The following NOTO variants were observed in gnomAD, a reference collection of about 807,000 sequenced individuals.
NOTO encodes the protein homeobox protein notochord.
A neutral mutation model predicts 20.5 loss-of-function variants in NOTO; 19 were observed. The ratio of observed to expected loss-of-function variants is 0.93; its 90% CI spans 0.65 to 1.36. The LOEUF (loss-of-function observed/expected upper bound fraction) is 1.36, where lower values mean the gene tolerates loss of function less well. Ranked by LOEUF, NOTO falls within the 40% of genes most tolerant of loss-of-function variation. NOTO has a pLI of 0.00. For missense variants in NOTO, 369 were observed against 336.2 expected (o/e 1.10, Z -0.76); for synonymous variants, 150 against 150.2 (o/e 1.00, Z 0.01).
rs1230929097 is a variant in NOTO at position 73,211,333 on chromosome 2, C to A, written c.*404C>A. 1 of 156,580 alleles carries A rather than the reference C, an allele frequency of 6.4e-6. No individual in the cohort carries two copies. Among genetic ancestry groups the A allele is most frequent in the African/African-American group, 2.4e-5 (1 of 41,366 alleles). 9.7% of individuals were successfully genotyped at this position (156,580 alleles called of 1,614,324 possible). On this transcript the variant is annotated 3_prime_UTR_variant, in exon 3 of 3. Coordinates refer to ENST00000398468, the MANE Select transcript of NOTO (RefSeq NM_001134462.2). ...CAACTGGAAAAAAAAAAGTTTTTTT[C>A]TTCTGCTGTCACCCCACAACAATCA...
intron 2 of NOTO, among the ~76,000 whole-genome samples, chr2:73,209,264 C>T (rs567536320): frequency 6.6e-6 from 1 of 151,460 alleles, no homozygotes; most frequent in African/African-American, 2.4e-5. Flanking sequence ...CCCTATATTC[C>T]TCTCTAGCTA....
chr2:73,206,739 A>G (rs1686093223), intron 1 of NOTO, among the ~76,000 whole-genome samples: 2 of 150,090 alleles, frequency 1.3e-5, no homozygotes, highest in South Asian at 4.2e-4. Flanking sequence ...GTCTTGCCCA[A>G]GGTCCTCTGG....
chr2:73,211,708 C>T lies in NOTO; in HGVS notation c.*779C>T, dbSNP rs889734730. ...GGTCTTGAACTGCTGACCTTGTGATCCACCCACCTCGGCCTCCCAAAGTGC... is the reference window on the plus strand; with the variant it reads ...GGTCTTGAACTGCTGACCTTGTGATTCACCCACCTCGGCCTCCCAAAGTGC... On this transcript the variant is annotated 3_prime_UTR_variant, in exon 3 of 3. Coordinates refer to ENST00000398468, the MANE Select transcript of NOTO (RefSeq NM_001134462.2). 1.3e-5 allele frequency: 2 copies of T among 152,148 alleles called. No homozygotes were observed. Among genetic ancestry groups the T allele is most frequent in the African/African-American group, 4.8e-5 (2 of 41,406 alleles). 9.4% of individuals were successfully genotyped at this position (152,148 alleles called of 1,614,324 possible).
chr2:73,205,481 G>A (rs922628038), intron 1 of NOTO, among the ~76,000 whole-genome samples: 2 of 152,122 alleles, frequency 1.3e-5, no homozygotes, highest in Non-Finnish European at 2.9e-5. Context: ...CTGGGCAACA[G>A]AACAAGACAC....
intron 1 of NOTO, among the ~76,000 whole-genome samples, chr2:73,204,874 TTTTTATTTTTTTA>T (rs1325171054): frequency 7.7e-5 from 5 of 65,294 alleles, no homozygotes; most frequent in South Asian, 4.7e-4. Flanking sequence ...CGGCTAATTT[TTTTTATTTTTTTA>T]TTTTTTTTTT....
At position 73,208,439 on chromosome 2, in the gene NOTO, C is replaced by T; in HGVS notation, c.422C>T (p.Pro141Leu). 3.9e-6 allele frequency: 6 copies of T among 1,551,682 alleles called. No individual in the cohort carries two copies. The highest frequency in any genetic ancestry group is 4.4e-6 in the Non-Finnish European group (5 of 1,146,984). ...CACTGCTCAGGACTCTGGGCCTTCC[C>T]AGACTGGGCCCCAACGGAGGACCTA... is the stretch of plus-strand genomic sequence containing the variant. ...LAHCSGLWAF[P>L]DWAPTEDLQD... The change falls in exon 2 of 3, where the codon CCA becomes CTA. Residue 141 changes from proline to leucine, a missense_variant. Physicochemically the swap from Pro to Leu is moderately conservative, Grantham distance 98. Coordinates refer to ENST00000398468, the MANE Select transcript of NOTO (RefSeq NM_001134462.2).
intron 1 of NOTO, among the ~76,000 whole-genome samples, chr2:73,204,334 TA>T (rs1272082314): frequency 1.3e-5 from 2 of 152,190 alleles, no homozygotes; most frequent in Non-Finnish European, 2.9e-5. Context: ...CTTCTAGCAT[TA>T]AACATCCACC....
intron 1 of NOTO, among the ~76,000 whole-genome samples, chr2:73,204,957 T>G (rs1287813785): frequency 6.8e-6 from 1 of 147,514 alleles, no homozygotes; most frequent in Non-Finnish European, 1.5e-5. Context: ...CTCGGCTCAC[T>G]GCAAGCTCCG....
At chr2:73,204,593 C>T (rs913936239) in intron 1 of NOTO, among the ~76,000 whole-genome samples, 2 of 152,308 alleles carry the variant, frequency 1.3e-5, no homozygotes, top group Non-Finnish European at 2.9e-5. Context: ...GGAGCTGTGC[C>T]CATCACTCCC....
Position 73,208,560 on chromosome 2 carries a change from G to A in NOTO, c.543G>A (p.Leu181=). Residue 181 remains leucine, a synonymous_variant, in exon 2 of 3, where the codon CTG becomes CTA. Transcript: ENST00000398468. ...AAGTGTTTGCAAAACAGCACAATCT[G>A]GTGGGGAAGAAGAGAGCCCAGCTGG... ...LEKVFAKQHN[L]VGKKRAQLAA... 1 of 1,551,602 alleles carries A rather than the reference G, an allele frequency of 6.4e-7. No individual in the cohort carries two copies. The highest frequency in any genetic ancestry group is 2.4e-5 in the East Asian group (1 of 40,918).
intron 1 of NOTO, among the ~76,000 whole-genome samples, chr2:73,205,638 C>T (rs1228987625): frequency 1.3e-5 from 2 of 151,806 alleles, no homozygotes; most frequent in African/African-American, 4.8e-5. Flanking sequence ...TGTGTTTTTA[C>T]AAATCCTTTT....
At position 73,210,955 on chromosome 2, in the gene NOTO, G is replaced by A. The variant is rs1471878880; in HGVS notation, c.*26G>A. 1.9e-6 allele frequency: 3 copies of A among 1,538,840 alleles called. No homozygotes were observed. In the South Asian group the frequency reaches 3.6e-5, roughly 19 times the overall value. On this transcript the variant is annotated 3_prime_UTR_variant, in exon 3 of 3. Coordinates refer to ENST00000398468, the MANE Select transcript of NOTO (RefSeq NM_001134462.2). ...AGACTGGGACAGAGGCCCTAGCCAGGCTGCCTGGACTAGTTCCTCCTGGGG... is the reference window on the plus strand; with the variant it reads ...AGACTGGGACAGAGGCCCTAGCCAGACTGCCTGGACTAGTTCCTCCTGGGG...
chr2:73,203,314 G>A (rs1054603170), intron 1 of NOTO, among the ~76,000 whole-genome samples: 1 of 152,210 alleles, frequency 6.6e-6, no homozygotes, highest in East Asian at 1.9e-4. Flanking sequence ...GCGCCTGAAT[G>A]CGGTGGGCAG....
chr2:73,208,692 T>G (rs1686125820), intron 2 of NOTO, 78 bp downstream of exon 2: 1 of 957,974 alleles, frequency 1.0e-6, no homozygotes, highest in East Asian at 2.6e-5. Flanking sequence ...AAAAGGAGGG[T>G]GGGAGGAAGA....
intron 2 of NOTO, among the ~76,000 whole-genome samples, chr2:73,209,846 C>T (rs77758656): frequency 0.036 from 5,419 of 152,208 alleles, 145 homozygotes; most frequent in Non-Finnish European, 0.056. Flanking sequence ...ATGTTCCTTT[C>T]CCATATATGA....
intron 2 of NOTO, among the ~76,000 whole-genome samples, chr2:73,210,140 C>A (rs1012210637): frequency 2.0e-5 from 3 of 152,348 alleles, no homozygotes; most frequent in African/African-American, 7.2e-5. Context: ...GTAAAAGCCT[C>A]ATGGGTGACA....
chr2:73,210,884 C>G lies in NOTO; in HGVS notation c.711C>G (p.Ile237Met). 1.9e-6 allele frequency: 3 copies of G among 1,551,648 alleles called. No homozygotes were observed. Among genetic ancestry groups the G allele is most frequent in the Admixed American group, 2.0e-5 (1 of 51,002 alleles). ...ASLDEPSSSS[I>M]ASIQSDDAES... The stretch of plus-strand genomic sequence containing the variant: ...TGGATGAGCCTTCCAGCAGCTCCAT[C>G]GCCAGTATCCAGAGTGATGATGCCG... The change falls in exon 3 of 3, where the codon ATC becomes ATG. Residue 237 changes from isoleucine to methionine, a missense_variant. Ile to Met is a conservative substitution (Grantham distance 10). Coordinates refer to ENST00000398468, the MANE Select transcript of NOTO (RefSeq NM_001134462.2).
chr2:73,208,884 C>G (rs2103695559), intron 2 of NOTO, among the ~76,000 whole-genome samples: 1 of 152,138 alleles, frequency 6.6e-6, no homozygotes, highest in South Asian at 2.1e-4. Context: ...TAAGGACCTG[C>G]CAGTAAAATT....
intron 2 of NOTO, among the ~76,000 whole-genome samples, chr2:73,209,098 C>T (rs1686130512): frequency 6.7e-6 from 1 of 149,480 alleles, no homozygotes; most frequent in Admixed American, 6.7e-5. Flanking sequence ...TCGCTTGAGC[C>T]TGGGAGGCAG....
Sources: allele counts gnomAD v4.1 joint callset (sites outside exome capture counted in the v4.1 genomes callset), GRCh38; gene constraint gnomAD v4.1.1; transcripts MANE v1.5; gene names NCBI Gene and HGNC (gene_info 2026-07-23, HGNC 2026-07-21).